Variants in SGK1 observed in about 807,000 individuals in gnomAD.
SGK1 encodes serum/glucocorticoid regulated kinase 1, also known as serine/threonine-protein kinase Sgk1.
Under a neutral mutation model 64.2 loss-of-function variants are expected in SGK1, and 26 were observed. That is an observed-to-expected ratio of 0.40 (90% CI 0.30 to 0.56). The LOEUF is 0.56. Among genes scored for constraint, SGK1 ranks in the 20% least tolerant of loss-of-function variants. The probability of loss-of-function intolerance (pLI) is 0.38; values close to 1 mark genes in which losing one functional copy is unlikely to be tolerated. For missense variants in SGK1, 519 were observed against 645.6 expected (o/e 0.80, Z 2.12); for synonymous variants, 265 against 239.7 (o/e 1.11, Z -0.98).
intron 2 of SGK1, among the ~76,000 whole-genome samples, chr6:134,237,008 T>C (rs1776373215): frequency 6.6e-6 from 1 of 152,108 alleles, no homozygotes; most frequent in Non-Finnish European, 1.5e-5. Context: ...AATGAACACA[T>C]TGTTGGGTGA....
intron 1 of SGK1, among the ~76,000 whole-genome samples, chr6:134,275,914 T>C (rs572322779): frequency 6.6e-6 from 1 of 152,230 alleles, no homozygotes; most frequent in African/African-American, 2.4e-5. Flanking sequence ...TCCATTTGGG[T>C]ATTCATTTGT....
intron 2 of SGK1, among the ~76,000 whole-genome samples, chr6:134,230,200 T>C (rs540588696): frequency 2.4e-4 from 37 of 152,230 alleles, no homozygotes; most frequent in African/African-American, 8.9e-4. Context: ...CAGATCAAAA[T>C]TTAGAGCCGC....
chr6:134,261,800 C>A, intron 2 of SGK1, 133 bp downstream of exon 2: 1 of 707,108 alleles, frequency 1.4e-6, no homozygotes, highest in South Asian at 1.5e-5. Flanking sequence ...GACCACAATT[C>A]TAGGTCTTCC....
chr6:134,286,520 G>A (rs1394065911), intron 1 of SGK1, among the ~76,000 whole-genome samples: 1 of 147,654 alleles, frequency 6.8e-6, no homozygotes, highest in Admixed American at 6.8e-5. Context: ...CTCGCTGAGT[G>A]CAGTGGCGCG....
chr6:134,297,335 G>A (rs1777373432), intron 1 of SGK1: 2 of 1,120,108 alleles, frequency 1.8e-6, no homozygotes, highest in Middle Eastern at 2.2e-4. Flanking sequence ...TGTCCTGCTA[G>A]GCCCGCTGCA....
chr6:134,314,202 G>C (rs1777644905), intron 1 of SGK1, among the ~76,000 whole-genome samples: 1 of 152,198 alleles, frequency 6.6e-6, no homozygotes, highest in Non-Finnish European at 1.5e-5. Context: ...CATCCGGACT[G>C]TCTTTCTTCA....
chr6:134,298,442 C>G, intron 1 of SGK1: 1 of 900,378 alleles, frequency 1.1e-6, no homozygotes, highest in Non-Finnish European at 1.9e-6. Flanking sequence ...GTGCGCAGGC[C>G]TGGATGTTGG....
chr6:134,243,167 AATG>A (rs1440931510), intron 2 of SGK1, among the ~76,000 whole-genome samples: 1 of 152,116 alleles, frequency 6.6e-6, no homozygotes, highest in Non-Finnish European at 1.5e-5. Context: ...ATATAGAATC[AATG>A]ATAATGAATT....
At chr6:134,293,389 A>G (rs1267579516) in intron 1 of SGK1, among the ~76,000 whole-genome samples, 1 of 152,180 alleles carries the variant, frequency 6.6e-6, no homozygotes, top group Non-Finnish European at 1.5e-5. Context: ...CCAAACTACT[A>G]TTAAAAAGAA....
chr6:134,206,358 TATATATATATATATATATA>T lies in SGK1; in HGVS notation c.361+979_361+997del, dbSNP rs1562250236. On this transcript the variant is annotated intron_variant, in intron 3 of 13. Coordinates refer to ENST00000367858, the MANE Select transcript of SGK1 (RefSeq NM_001143676.3). Reference sequence around the variant, plus strand: ...CTGATGATATATATATATATATATATATATATATATATATATATATATATATTTTTTTTTTTTTTTTTTT... The same window carrying T: ...CTGATGATATATATATATATATATATTATATATTTTTTTTTTTTTTTTTTT... 8.5e-4 allele frequency among the ~76,000 whole-genome samples: 7 copies of T among 8,216 alleles called. 1 individual carries two copies. The South Asian group carries it at 0.019, about 22-fold the overall frequency. 5.4% of individuals were successfully genotyped at this position (8,216 alleles called of 152,430 possible).
chr6:134,266,374 GGAGGCT>G (rs1347840529), intron 1 of SGK1, among the ~76,000 whole-genome samples: 1 of 152,022 alleles, frequency 6.6e-6, no homozygotes. Context: ...TTTGGGTTTG[GGAGGCT>G]GAGGCGTGTG....
intron 2 of SGK1, among the ~76,000 whole-genome samples, chr6:134,230,229 G>T (rs765673978): frequency 7.2e-5 from 11 of 152,182 alleles, no homozygotes; most frequent in African/African-American, 2.4e-5. Context: ...CCTCACACCT[G>T]TAATTCCAGC....
chr6:134,307,698 A>G (rs1246408353), intron 1 of SGK1, among the ~76,000 whole-genome samples: 2 of 152,180 alleles, frequency 1.3e-5, no homozygotes, highest in Non-Finnish European at 2.9e-5. Flanking sequence ...AGATGAAACC[A>G]TCCTCTTTTT....
rs58634499 is a variant in SGK1, at chr6:134,273,592, C to CAAAAAAAAAAAAAAAA, written c.70-11460_70-11445dup. ...TGGGCGACAGAGCGAGACTCCGTCT[C>CAAAAAAAAAAAAAAAA]AAAAAAAAAAAAAAAAAAAAAAAAA... On this transcript the variant is annotated intron_variant, in intron 1 of 13. Transcript: ENST00000367858. Among the ~76,000 whole-genome samples, 7 of 16,222 alleles carry CAAAAAAAAAAAAAAAA rather than the reference C, an allele frequency of 4.3e-4. 2 individuals are homozygous for CAAAAAAAAAAAAAAAA. The highest frequency in any genetic ancestry group is 5.9e-4 in the Non-Finnish European group (5 of 8,540). 10.6% of individuals were successfully genotyped at this position (16,222 alleles called of 152,430 possible). A position where few individuals can be genotyped will look rare whatever the true frequency, so the allele number is the denominator to read the frequency against.
chr6:134,216,485 A>G (rs1775986464), intron 2 of SGK1, among the ~76,000 whole-genome samples: 1 of 152,254 alleles, frequency 6.6e-6, no homozygotes, highest in Admixed American at 6.5e-5. Flanking sequence ...TTTTGAATTC[A>G]GTTCTTTGTA....
chr6:134,214,941 C>T, intron 2 of SGK1: 3 of 393,550 alleles, frequency 7.6e-6, no homozygotes, highest in South Asian at 3.7e-5. Context: ...GAAGAAAGAT[C>T]ATATTTAGAA....
chr6:134,188,145 C>T (rs866789287), intron 3 of SGK1, among the ~76,000 whole-genome samples: 2 of 152,124 alleles, frequency 1.3e-5, no homozygotes, highest in Admixed American at 6.5e-5. Context: ...TCATCTTATC[C>T]ACTTGATTGT....
At chr6:134,214,802 G>C (rs1041031375) in intron 2 of SGK1, 1 of 184,878 alleles carries the variant, frequency 5.4e-6, no homozygotes, top group Admixed American at 5.7e-5. Flanking sequence ...TTTGGGTGGG[G>C]GGACATCTTT....
intron 2 of SGK1, among the ~76,000 whole-genome samples, chr6:134,258,228 C>T (rs917736249): frequency 6.6e-6 from 1 of 151,952 alleles, no homozygotes; most frequent in Non-Finnish European, 1.5e-5. Context: ...CTCAGCCTCC[C>T]AAGTGGCTAG....
Sources: gnomAD v4.1 joint callset for allele counts (sites outside exome capture counted in the v4.1 genomes callset) on GRCh38, gnomAD v4.1.1 for gene constraint, MANE v1.5 for transcripts, NCBI Gene and HGNC (gene_info 2026-07-23, HGNC 2026-07-21) for gene names.